The following SLC52A2 variants were observed in gnomAD, a reference collection of about 807,000 sequenced individuals.
The protein encoded by SLC52A2 is solute carrier family 52, riboflavin transporter, member 2.
SLC52A2 carries 16 observed loss-of-function variants against 24.8 expected under a neutral mutation model. That is an observed-to-expected ratio of 0.64 (90% CI 0.44 to 0.98). The LOEUF (loss-of-function observed/expected upper bound fraction) is 0.98, where lower values mean the gene tolerates loss of function less well. Ranked by LOEUF, SLC52A2 falls within the 50% of genes least tolerant of loss-of-function variation. The pLI is 0.00. For missense variants in SLC52A2, 612 were observed against 575.9 expected (o/e 1.06, Z -0.64); for synonymous variants, 335 against 276.3 (o/e 1.21, Z -2.11).
In SLC52A2 at chr8:144,361,059, C is replaced by G. The variant is rs782621570; in HGVS notation, c.*44C>G. ...CCCGCTCCCCAACACCTGTCTTTCC[C>G]TCAATGCTGCCACCATGCCTGAGTG... On this transcript the variant is annotated 3_prime_UTR_variant, in exon 5 of 5. Coordinates refer to ENST00000643944, the MANE Select transcript of SLC52A2 (RefSeq NM_001363118.2). 2.5e-6 allele frequency: 4 copies of G among 1,583,426 alleles called. No individual in the cohort carries two copies. The African/African-American group carries it at 4.0e-5, about 16-fold the overall frequency.
Position 144,359,747 on chromosome 8 carries a change from G to A in SLC52A2, c.255G>A (p.Gln85=). 6.2e-7 allele frequency: 1 copy of A among 1,613,654 alleles called. No homozygotes were observed. The highest frequency in any genetic ancestry group is 8.5e-7 in the Non-Finnish European group (1 of 1,180,024). Residue 85 remains glutamine, a synonymous_variant, in exon 3 of 5, where the codon CAG becomes CAA. Coordinates refer to ENST00000643944, the MANE Select transcript of SLC52A2 (RefSeq NM_001363118.2). ...AGCAGGTCCCCATCCGGGTGGTGCA[G>A]GTGCTGGGCATGGTGGGCACAGCCC... is the stretch of plus-strand genomic sequence containing the variant. ...KDEQVPIRVV[Q]VLGMVGTALL...
chr8:144,360,369 G>C lies in SLC52A2; in HGVS notation c.877G>C (p.Val293Leu). ...CGCCACCAACGCGCTGACCAATGGC[G>C]TGCTGCCTGCCGTGCAGAGCTTTTC... ...LAATNALTNG[V>L]LPAVQSFSCL... The change falls in exon 3 of 5, where the codon GTG becomes CTG. Residue 293 changes from valine to leucine, a missense_variant. Physicochemically the swap from Val to Leu is conservative, Grantham distance 32. Coordinates refer to ENST00000643944, the MANE Select transcript of SLC52A2 (RefSeq NM_001363118.2). 1 of 1,608,292 alleles carries C rather than the reference G, an allele frequency of 6.2e-7. No individual in the cohort carries two copies. The highest frequency in any genetic ancestry group is 1.7e-4 in the Middle Eastern group (1 of 6,060).
rs1818880977 is a variant in SLC52A2, at chr8:144,361,241, T to C, written c.*226T>C. On this transcript the variant is annotated 3_prime_UTR_variant, in exon 5 of 5. Coordinates refer to ENST00000643944, the MANE Select transcript of SLC52A2 (RefSeq NM_001363118.2). ...TAAGCCCCTGAGCCTGGGACCTACA[T>C]GTGGTTTGCGTAATAAAACATTTGT... The C allele has an allele frequency of 1.8e-6, 1 of 559,518 alleles. No homozygotes were observed. The highest frequency in any genetic ancestry group is 2.9e-5 in the East Asian group (1 of 34,610). 34.7% of individuals were successfully genotyped at this position (559,518 alleles called of 1,614,324 possible).
At position 144,361,073 on chromosome 8, in the gene SLC52A2, C is replaced by A; in HGVS notation, c.*58C>A. The A allele has an allele frequency of 6.5e-7, 1 of 1,548,944 alleles. No homozygotes were observed. Among genetic ancestry groups the A allele is most frequent in the Non-Finnish European group, 8.9e-7 (1 of 1,129,456 alleles). On this transcript the variant is annotated 3_prime_UTR_variant, in exon 5 of 5. Transcript: ENST00000643944. Reference sequence around the variant, plus strand: ...CCTGTCTTTCCCTCAATGCTGCCACCATGCCTGAGTGCCTGCAGCCCAGGA... The same window carrying A: ...CCTGTCTTTCCCTCAATGCTGCCACAATGCCTGAGTGCCTGCAGCCCAGGA...
rs2130645931 is a variant in SLC52A2, at chr8:144,360,325, G to T, written c.833G>T (p.Cys278Phe). The T allele has an allele frequency of 6.2e-7, 1 of 1,609,520 alleles. No individual in the cohort carries two copies. ...CAGCTTCTATCAGCCCGCAGTGCCT[G>T]CCTGCTGGGCCTGTTGGCCGCCACC... ...AYQLLSARSACLLGLLAATNA... is the reference protein window; with the variant it reads ...AYQLLSARSAFLLGLLAATNA... The change falls in exon 3 of 5, where the codon TGC (cysteine) becomes TTC (phenylalanine). Residue 278 changes from cysteine (C) to phenylalanine (F), a missense_variant. By Grantham distance (205) the Cys-to-Phe change is radical. Transcript: ENST00000643944.
intron 2 of SLC52A2, 45 bp from the exon 3 acceptor site, chr8:144,359,578 C>A: frequency 6.2e-7 from 1 of 1,603,430 alleles, no homozygotes; most frequent in Non-Finnish European, 8.5e-7. Context: ...ACTCTTCCTC[C>A]CTTGGGCATC....
At position 144,360,167 on chromosome 8, in the gene SLC52A2, C is replaced by A; in HGVS notation, c.675C>A (p.Pro225=). 1 of 1,612,920 alleles carries A rather than the reference C, an allele frequency of 6.2e-7. No homozygotes were observed. The highest frequency in any genetic ancestry group is 8.5e-7 in the Non-Finnish European group (1 of 1,180,022). ...LLLLPPPPSV[P]TGELGSGLQV... is the part of the protein sequence containing the mutation. Reference sequence around the variant, plus strand: ...TGTTGCCGCCACCACCATCTGTACCCACAGGGGAGTTAGGATCAGGCCTCC... The same window carrying A: ...TGTTGCCGCCACCACCATCTGTACCAACAGGGGAGTTAGGATCAGGCCTCC... The change falls in exon 3 of 5, where the codon CCC becomes CCA. Residue 225 remains proline, a synonymous_variant. Transcript: ENST00000643944.
At position 144,359,676 on chromosome 8, in the gene SLC52A2, C is replaced by G. The variant is rs1221859064; in HGVS notation, c.184C>G (p.Leu62Val). 6.2e-7 allele frequency: 1 copy of G among 1,613,770 alleles called. No homozygotes were observed. Among genetic ancestry groups the G allele is most frequent in the Non-Finnish European group, 8.5e-7 (1 of 1,179,992 alleles). Residue 62 changes from leucine to valine, a missense_variant, in exon 3 of 5, where the codon CTG becomes GTG. Leu to Val is a conservative substitution (Grantham distance 32). Coordinates refer to ENST00000643944, the MANE Select transcript of SLC52A2 (RefSeq NM_001363118.2). ...GCTTGTGGCTCTGGGGAACCTGGGT[C>G]TGCTGGTGGTGACCCTCTGGAGGAG... ...SVLVALGNLG[L>V]LVVTLWRRLA...
chr8:144,360,316 G>T lies in SLC52A2; in HGVS notation c.824G>T (p.Arg275Leu), dbSNP rs144912258. Residue 275 changes from arginine to leucine, a missense_variant, in exon 3 of 5, where the codon CGC becomes CTC. By Grantham distance (102) the Arg-to-Leu change is moderately radical. Transcript: ENST00000643944. ...DPKAYQLLSA[R>L]SACLLGLLAA... ...AAGGCCTATCAGCTTCTATCAGCCC[G>T]CAGTGCCTGCCTGCTGGGCCTGTTG... 59 of 1,609,944 alleles carry T rather than the reference G, an allele frequency of 3.7e-5. 1 individual carries two copies. In the African/African-American group the frequency reaches 5.1e-4, roughly 14 times the overall value.
chr8:144,359,144 T>A (rs1818640600), intron 1 of SLC52A2, 40 bp from the exon 2 acceptor site: 1 of 1,264,866 alleles, frequency 7.9e-7, no homozygotes, highest in African/African-American at 1.5e-5. Flanking sequence ...CTGTTCTGAC[T>A]CCGGCTCTGC....
chr8:144,360,963 T>A lies in SLC52A2; in HGVS notation c.1286T>A (p.Ile429Asn). Residue 429 changes from isoleucine (I) to asparagine (N), a missense_variant, in exon 5 of 5, where the codon ATC (isoleucine) becomes AAC (asparagine). Ile to Asn is a moderately radical substitution (Grantham distance 149). Transcript: ENST00000643944. The part of the protein sequence containing the change: ...GAVAMFPPTS[I>N]YHVFHSRKDC... The stretch of plus-strand genomic sequence containing the variant: ...GTTGCTATGTTCCCCCCGACCAGCA[T>A]CTATCACGTGTTCCACAGCAGAAAG... 1 of 1,613,486 alleles carries A rather than the reference T, an allele frequency of 6.2e-7. No homozygotes were observed. The highest frequency in any genetic ancestry group is 2.2e-5 in the East Asian group (1 of 44,878).
At position 144,360,338 on chromosome 8, in the gene SLC52A2, G is replaced by C. The variant is rs1554854246; in HGVS notation, c.846G>C (p.Leu282=). Residue 282 remains leucine (L), a synonymous_variant, in exon 3 of 5, where the codon CTG becomes CTC. Transcript: ENST00000643944. Reference sequence around the variant, plus strand: ...CCCGCAGTGCCTGCCTGCTGGGCCTGTTGGCCGCCACCAACGCGCTGACCA... The same window carrying C: ...CCCGCAGTGCCTGCCTGCTGGGCCTCTTGGCCGCCACCAACGCGCTGACCA... ...LSARSACLLG[L]LAATNALTNG... is the part of the protein sequence containing the mutation. 1 of 1,609,110 alleles carries C rather than the reference G, an allele frequency of 6.2e-7. No individual in the cohort carries two copies. Among genetic ancestry groups the C allele is most frequent in the Non-Finnish European group, 8.5e-7 (1 of 1,180,006 alleles).
chr8:144,359,998 G>C lies in SLC52A2; in HGVS notation c.506G>C (p.Arg169Pro). 1.2e-6 allele frequency: 2 copies of C among 1,612,850 alleles called. No individual in the cohort carries two copies. The highest frequency in any genetic ancestry group is 1.7e-6 in the Non-Finnish European group (2 of 1,179,984). Residue 169 changes from arginine (R) to proline (P), a missense_variant, in exon 3 of 5, where the codon CGC (arginine) becomes CCC (proline). Transcript: ENST00000643944. The part of the protein sequence containing the change: ...CVLALVQGVG[R>P]LECPPAPING... The stretch of plus-strand genomic sequence containing the variant: ...CTGGCCCTAGTGCAGGGTGTGGGCC[G>C]CCTCGAGTGCCCGCCAGCCCCCATC...
At chr8:144,359,101 GC>G in intron 1 of SLC52A2, 36 bp downstream of exon 1, 1 of 834,116 alleles carries the variant, frequency 1.2e-6, no homozygotes, top group Non-Finnish European at 1.8e-6. Flanking sequence ...CTGCGCTCCT[GC>G]CCGGGGCTCC....
rs577719492 is a variant in SLC52A2, at chr8:144,360,188, C to T, written c.696C>T (p.Gly232=). 337 of 1,612,854 alleles carry T rather than the reference C, an allele frequency of 2.1e-4. 4 individuals are homozygous for T. The South Asian group carries it at 3.5e-3, about 17-fold the overall frequency. The change falls in exon 3 of 5, where the codon GGC becomes GGT. Residue 232 remains glycine, a synonymous_variant. Transcript: ENST00000643944. The part of the protein sequence containing the change: ...PSVPTGELGS[G]LQVGAPGAEE... ...TACCCACAGGGGAGTTAGGATCAGG[C>T]CTCCAGGTGGGAGCCCCAGGAGCAG...
In SLC52A2 at chr8:144,360,302, G is replaced by A. The variant is rs782448054; in HGVS notation, c.810G>A (p.Gln270=). The A allele has an allele frequency of 6.2e-7, 1 of 1,610,906 alleles. No homozygotes were observed. Among genetic ancestry groups the A allele is most frequent in the East Asian group, 2.2e-5 (1 of 44,886 alleles). ...CTGGTCCAGACCCTAAGGCCTATCAGCTTCTATCAGCCCGCAGTGCCTGCC... is the reference window on the plus strand; with the variant it reads ...CTGGTCCAGACCCTAAGGCCTATCAACTTCTATCAGCCCGCAGTGCCTGCC... ...TTPGPDPKAY[Q]LLSARSACLL... Residue 270 remains glutamine (Q), a synonymous_variant, in exon 3 of 5, where the codon CAG becomes CAA. Transcript: ENST00000643944.
chr8:144,359,862 G>A lies in SLC52A2; in HGVS notation c.370G>A (p.Ala124Thr), dbSNP rs146274588. 3 of 1,613,748 alleles carry A rather than the reference G, an allele frequency of 1.9e-6. No individual in the cohort carries two copies. The highest frequency in any genetic ancestry group is 1.7e-6 in the Non-Finnish European group (2 of 1,180,020). ...AGCACTGGCCTTTGTGCTGGCACTG[G>A]CATGCTGTGCCTCGAATGTCACTTT... ...FLALAFVLAL[A>T]CCASNVTFLP... Residue 124 changes from alanine to threonine, a missense_variant, in exon 3 of 5, where the codon GCA becomes ACA. By Grantham distance (58) the Ala-to-Thr change is moderately conservative (BLOSUM62 0). Coordinates refer to ENST00000643944, the MANE Select transcript of SLC52A2 (RefSeq NM_001363118.2).
At position 144,359,599 on chromosome 8, in the gene SLC52A2, C is replaced by T. The variant is rs782102610; in HGVS notation, c.131-24C>T. ...CCTCCCTTGGGCATCATGACCCTGA[C>T]ATGGCCTCCTCCCTTCCCTGCAGGT... On this transcript the variant is annotated intron_variant, in intron 2 of 4. Coordinates refer to ENST00000643944, the MANE Select transcript of SLC52A2 (RefSeq NM_001363118.2). The T allele has an allele frequency of 6.8e-6, 11 of 1,606,920 alleles. No individual in the cohort carries two copies. The South Asian group carries it at 1.2e-4, about 18-fold the overall frequency.
Position 144,359,175 on chromosome 8 carries a change from T to C in SLC52A2, c.-110-9T>C. 4 of 1,452,964 alleles carry C rather than the reference T, an allele frequency of 2.8e-6. 1 individual carries two copies. In the South Asian group the frequency reaches 5.4e-5, roughly 20 times the overall value. The allele number at this position is 1,452,964 out of a possible 1,614,324, so 90.0% of individuals were successfully genotyped here. A position where few individuals can be genotyped will look rare whatever the true frequency, so the allele number is the denominator to read the frequency against. ...TCTGCATCCTATCTGTTTCTCTGTT[T>C]CTTTCAAGCTAGAAGAAGTCTTCAC... is the stretch of plus-strand genomic sequence containing the variant. On this transcript the variant is annotated splice_polypyrimidine_tract_variant and intron_variant, in intron 1 of 4. Transcript: ENST00000643944.
Sources: gnomAD v4.1 joint callset for allele counts on GRCh38, gnomAD v4.1.1 for gene constraint, MANE v1.5 for transcripts, NCBI Gene and HGNC (gene_info 2026-07-23, HGNC 2026-07-21) for gene names.